The following LTBP1 variants were observed in gnomAD, a reference collection of about 807,000 sequenced individuals.
LTBP1 encodes latent-transforming growth factor beta-binding protein 1.
LTBP1 carries 129 observed loss-of-function variants against 207.6 expected under a neutral mutation model. The ratio of observed to expected loss-of-function variants is 0.62; its 90% CI spans 0.54 to 0.72. The LOEUF (loss-of-function observed/expected upper bound fraction) is 0.72. Among genes scored for constraint, LTBP1 ranks in the 30% least tolerant of loss-of-function variants. The pLI, the probability that LTBP1 is intolerant of heterozygous loss-of-function variation, is 0.00. For missense variants in LTBP1, 2,281 were observed against 2,217.2 expected (o/e 1.03, Z -0.58); for synonymous variants, 963 against 833.7 (o/e 1.16, Z -2.67).
intron 7 of LTBP1, among the ~76,000 whole-genome samples, chr2:33,203,564 G>C (rs1010167499): frequency 1.3e-5 from 2 of 152,152 alleles, no homozygotes; most frequent in Non-Finnish European, 2.9e-5. Context: ...CACCTGCCCG[G>C]ACCTGTTTAA....
At chr2:33,209,056 A>T (rs930665988) in intron 7 of LTBP1, among the ~76,000 whole-genome samples, 1 of 151,758 alleles carries the variant, frequency 6.6e-6, no homozygotes, top group Non-Finnish European at 1.5e-5. Flanking sequence ...TGTTTTTAGT[A>T]GAGACTGGGT....
chr2:33,076,177 C>T (rs971601385), intron 3 of LTBP1, among the ~76,000 whole-genome samples: 5 of 152,076 alleles, frequency 3.3e-5, no homozygotes, highest in South Asian at 4.1e-4. Context: ...ATGTGACTTA[C>T]GGAAGAATCT....
At chr2:33,131,156 G>T (rs1182685519) in intron 4 of LTBP1, among the ~76,000 whole-genome samples, 2 of 152,086 alleles carry the variant, frequency 1.3e-5, no homozygotes, top group African/African-American at 4.8e-5. Flanking sequence ...CCATGCTTCG[G>T]GTTACTTTGT....
chr2:33,119,555 TC>T, intron 4 of LTBP1, among the ~76,000 whole-genome samples: 1 of 152,038 alleles, frequency 6.6e-6, no homozygotes, highest in East Asian at 1.9e-4. Flanking sequence ...TAAATACCTT[TC>T]TTTCTTTCTT....
intron 2 of LTBP1, among the ~76,000 whole-genome samples, chr2:32,977,974 T>A (rs1682089773): frequency 6.6e-6 from 1 of 152,226 alleles, no homozygotes; most frequent in Admixed American, 6.5e-5. Flanking sequence ...TATTTGTAGC[T>A]ATTGTAATTG....
intron 20 of LTBP1, among the ~76,000 whole-genome samples, chr2:33,299,815 A>G (rs2093949178): frequency 6.6e-6 from 1 of 152,208 alleles, no homozygotes; most frequent in South Asian, 2.1e-4. Context: ...CTTATTAAGA[A>G]TTATCTTCTT....
chr2:33,074,954 G>A (rs562759548), intron 3 of LTBP1, among the ~76,000 whole-genome samples: 1 of 151,990 alleles, frequency 6.6e-6, no homozygotes, highest in East Asian at 1.9e-4. Flanking sequence ...GGGAGGCTGA[G>A]GCAGGAGAAT....
At chr2:32,967,733 G>A (rs1403801160) in intron 2 of LTBP1, among the ~76,000 whole-genome samples, 1 of 152,152 alleles carries the variant, frequency 6.6e-6, no homozygotes, top group Non-Finnish European at 1.5e-5. Flanking sequence ...TTATGACCCA[G>A]AATGTGGTTT....
chr2:33,033,714 C>T (rs369831007), intron 3 of LTBP1, among the ~76,000 whole-genome samples: 30 of 151,742 alleles, frequency 2.0e-4, no homozygotes, highest in African/African-American at 6.8e-4. Context: ...GAGACGCTGC[C>T]TCTAGTGTTT....
At chr2:32,996,288 C>T (rs1685257528) in intron 2 of LTBP1, among the ~76,000 whole-genome samples, 1 of 152,112 alleles carries the variant, frequency 6.6e-6, no homozygotes, top group African/African-American at 2.4e-5. Context: ...TTTATAACTT[C>T]ACGTGGTGGA....
At chr2:33,088,262 G>A (rs915360455) in intron 3 of LTBP1, among the ~76,000 whole-genome samples, 6 of 152,240 alleles carry the variant, frequency 3.9e-5, no homozygotes, top group Middle Eastern at 3.4e-3. Flanking sequence ...GACCAGCTTG[G>A]CCAACATGGC....
At chr2:33,112,312 G>A (rs1249989514) in intron 4 of LTBP1, among the ~76,000 whole-genome samples, 1 of 152,178 alleles carries the variant, frequency 6.6e-6, no homozygotes, top group South Asian at 2.1e-4. Flanking sequence ...GTGTATATAT[G>A]TATTTTAAAC....
At chr2:33,281,998 C>G (rs2093567455) in intron 19 of LTBP1, among the ~76,000 whole-genome samples, 1 of 150,816 alleles carries the variant, frequency 6.6e-6, no homozygotes, top group Non-Finnish European at 1.5e-5. Context: ...TGTGACTGAT[C>G]AAATTGGCAA....
At chr2:33,397,758 G>A (rs1194081869) in intron 33 of LTBP1, among the ~76,000 whole-genome samples, 10 of 149,590 alleles carry the variant, frequency 6.7e-5, no homozygotes, top group East Asian at 3.9e-4. Context: ...TCCTGACCTC[G>A]TGATCCGCCC....
intron 1 of LTBP1, among the ~76,000 whole-genome samples, chr2:32,948,082 C>A (rs1676531569): frequency 6.6e-6 from 1 of 150,420 alleles, no homozygotes; most frequent in African/African-American, 2.4e-5. Context: ...CTGCCTGGGG[C>A]GTAACCTTCT....
intron 4 of LTBP1, among the ~76,000 whole-genome samples, chr2:33,128,392 G>A (rs1327394353): frequency 1.3e-5 from 2 of 152,226 alleles, no homozygotes; most frequent in Non-Finnish European, 2.9e-5. Context: ...TGGAAGACAG[G>A]TAAGTGTGTT....
At chr2:33,114,141 C>T (rs535201561) in intron 4 of LTBP1, among the ~76,000 whole-genome samples, 12 of 152,254 alleles carry the variant, frequency 7.9e-5, no homozygotes, top group East Asian at 7.7e-4. Flanking sequence ...CATGCCCAGC[C>T]GGTAAAGGAT....
chr2:33,059,583 C>T (rs1420521767), intron 3 of LTBP1, among the ~76,000 whole-genome samples: 1 of 152,166 alleles, frequency 6.6e-6, no homozygotes, highest in East Asian at 1.9e-4. Flanking sequence ...CAGTGTTAGC[C>T]TTTGGATTTG....
chr2:33,203,995 G>C (rs2089609093), intron 7 of LTBP1, among the ~76,000 whole-genome samples: 1 of 152,212 alleles, frequency 6.6e-6, no homozygotes, highest in Non-Finnish European at 1.5e-5. Flanking sequence ...CTGATGGTCT[G>C]ATGTGGCTCT....
Sources: gnomAD v4.1 joint callset for allele counts (sites outside exome capture counted in the v4.1 genomes callset) on GRCh38, gnomAD v4.1.1 for gene constraint, MANE v1.5 for transcripts, NCBI Gene and HGNC (gene_info 2026-07-23, HGNC 2026-07-21) for gene names.